MAGI2: variants seen among roughly 807,000 people sequenced by gnomAD.
MAGI2 encodes the protein membrane associated guanylate kinase, WW and PDZ domain containing 2, also known as membrane-associated guanylate kinase, WW and PDZ domain-containing protein 2.
Under a neutral mutation model 133.3 loss-of-function variants are expected in MAGI2, and 35 were observed. The observed-to-expected ratio is 0.26, with a 90% CI of 0.20 to 0.35. The LOEUF is 0.35. Ranked by LOEUF, MAGI2 falls within the 10% of genes least tolerant of loss-of-function variation. The pLI, the probability that MAGI2 is intolerant of heterozygous loss-of-function variation, is 1.00. For synonymous variants in MAGI2, 729 were observed against 710.6 expected, an observed-to-expected ratio of 1.03 and a Z score of -0.41; for missense variants, 1,636 against 1,863.4, an observed-to-expected ratio of 0.88 and a Z score of 2.25.
intron 3 of MAGI2, among the ~76,000 whole-genome samples, chr7:78,533,774 T>A (rs780554373): frequency 1.3e-5 from 2 of 152,130 alleles, no homozygotes; most frequent in Non-Finnish European, 2.9e-5. Flanking sequence ...CTAGTTCTTC[T>A]GAAAAAAAGT....
At chr7:78,442,740 T>C (rs928194147) in intron 6 of MAGI2, among the ~76,000 whole-genome samples, 3 of 148,836 alleles carry the variant, frequency 2.0e-5, no homozygotes, top group African/African-American at 7.8e-5. Context: ...TTACTTAGAT[T>C]TATTTTGGAA....
chr7:78,808,996 T>A (rs1434733560), intron 2 of MAGI2, among the ~76,000 whole-genome samples: 1 of 152,250 alleles, frequency 6.6e-6, no homozygotes, highest in South Asian at 2.1e-4. Flanking sequence ...GATTCTTTCA[T>A]GTTCTAAGGA....
At position 79,126,263 on chromosome 7, in the gene MAGI2, T is replaced by C. The variant is rs1288524927; in HGVS notation, c.302-119057A>G. Among the ~76,000 whole-genome samples the C allele has an allele frequency of 2.0e-5, 3 of 152,216 alleles. No individual in the cohort carries two copies. The East Asian group carries it at 5.8e-4, about 29-fold the overall frequency. On this transcript the variant is annotated intron_variant, in intron 1 of 21. Transcript: ENST00000354212. ...GACACTATTTCGTTTCCTCCTAGAA[T>C]GCTTCCCAGACTCCTGGTTGTATTC...
At chr7:78,260,106 G>T (rs149872211) in intron 9 of MAGI2, among the ~76,000 whole-genome samples, 1,550 of 152,158 alleles carry the variant, frequency 0.01, 19 homozygotes, top group African/African-American at 0.035. Flanking sequence ...CAACTTGATG[G>T]TACTCAACTG....
intron 3 of MAGI2, among the ~76,000 whole-genome samples, chr7:78,535,790 G>A (rs1251637145): frequency 6.6e-6 from 1 of 151,966 alleles, no homozygotes; most frequent in African/African-American, 2.4e-5. Flanking sequence ...ATCAGTGCTT[G>A]AGATATTTTG....
At chr7:79,145,164 G>A (rs1233780472) in intron 1 of MAGI2, among the ~76,000 whole-genome samples, 1 of 152,070 alleles carries the variant, frequency 6.6e-6, no homozygotes, top group African/African-American at 2.4e-5. Context: ...AAATTGATGT[G>A]CTGCCTCTGA....
intron 2 of MAGI2, among the ~76,000 whole-genome samples, chr7:78,814,814 C>G (rs1789415130): frequency 1.3e-5 from 2 of 152,166 alleles, no homozygotes; most frequent in African/African-American, 4.8e-5. Context: ...CCTCAACCTC[C>G]TGGGCTCAAA....
intron 1 of MAGI2, chr7:79,125,645 T>C (rs1037269135): frequency 1.2e-4 from 62 of 526,796 alleles, no homozygotes; most frequent in African/African-American, 1.1e-3. Flanking sequence ...ATGATAATTT[T>C]GGAAATTACA....
At chr7:79,209,380 GAATA>G (rs1299393677) in intron 1 of MAGI2, among the ~76,000 whole-genome samples, 1 of 151,896 alleles carries the variant, frequency 6.6e-6, no homozygotes, top group Admixed American at 6.6e-5. Flanking sequence ...TACTGCAACA[GAATA>G]TATATTGTGA....
intron 1 of MAGI2, among the ~76,000 whole-genome samples, chr7:79,033,927 C>T (rs188333105): frequency 6.6e-5 from 10 of 151,792 alleles, no homozygotes; most frequent in Non-Finnish European, 8.8e-5. Flanking sequence ...AACACACCAA[C>T]GAAAACTACT....
rs145537770 is a variant in MAGI2 at position 79,142,730 on chromosome 7, C to T, written c.302-135524G>A. Among the ~76,000 whole-genome samples, 15 of 152,268 alleles carry T rather than the reference C, an allele frequency of 9.9e-5. No individual in the cohort carries two copies. In the East Asian group the frequency reaches 2.9e-3, roughly 29 times the overall value. ...TTATTTTACTTGCCTGACACTCTACCGTTAAGCATGTTGGATCTAGCTCCT... is the reference window on the plus strand; with the variant it reads ...TTATTTTACTTGCCTGACACTCTACTGTTAAGCATGTTGGATCTAGCTCCT... On this transcript the variant is annotated intron_variant, in intron 1 of 21. Coordinates refer to ENST00000354212, the MANE Select transcript of MAGI2 (RefSeq NM_012301.4).
rs1836457911 is a variant in MAGI2, at chr7:79,291,227, T to C, written c.301+161793A>G. 2.0e-5 allele frequency among the ~76,000 whole-genome samples: 3 copies of C among 152,160 alleles called. No individual in the cohort carries two copies. The South Asian group carries it at 6.2e-4, about 32-fold the overall frequency. Reference sequence around the variant, plus strand: ...CATAACGTTTTCAAGTTCATGTATGTTGTACTATATATCAGTACTTCATTC... The same window carrying C: ...CATAACGTTTTCAAGTTCATGTATGCTGTACTATATATCAGTACTTCATTC... On this transcript the variant is annotated intron_variant, in intron 1 of 21. Transcript: ENST00000354212.
At chr7:78,438,010 G>A (rs1476609371) in intron 6 of MAGI2, among the ~76,000 whole-genome samples, 2 of 152,078 alleles carry the variant, frequency 1.3e-5, no homozygotes, top group Admixed American at 6.6e-5. Context: ...CCAACAGTTT[G>A]TTATTAGTTG....
At chr7:78,927,814 G>A (rs934392072) in intron 2 of MAGI2, among the ~76,000 whole-genome samples, 1 of 151,674 alleles carries the variant, frequency 6.6e-6, no homozygotes, top group Non-Finnish European at 1.5e-5. Flanking sequence ...AGGTCAAAAC[G>A]TGATTTTCAA....
chr7:78,833,941 T>C (rs553892715), intron 2 of MAGI2, among the ~76,000 whole-genome samples: 8 of 152,318 alleles, frequency 5.3e-5, no homozygotes, highest in African/African-American at 1.9e-4. Flanking sequence ...GTTTTTTCTA[T>C]ACTCCATAGC....
At chr7:78,759,583 T>C (rs1010331073) in intron 2 of MAGI2, among the ~76,000 whole-genome samples, 9 of 152,190 alleles carry the variant, frequency 5.9e-5, no homozygotes, top group African/African-American at 2.2e-4. Context: ...TTCATTTCAA[T>C]GTAAGAATTT....
chr7:78,758,111 C>T (rs137976171), intron 2 of MAGI2, among the ~76,000 whole-genome samples: 1 of 152,292 alleles, frequency 6.6e-6, no homozygotes, highest in African/African-American at 2.4e-5. Context: ...TTCCCCCTTC[C>T]TCTGATTTGG....
chr7:78,123,769 G>A (rs1021003487), intron 20 of MAGI2, among the ~76,000 whole-genome samples: 1 of 152,068 alleles, frequency 6.6e-6, no homozygotes, highest in Non-Finnish European at 1.5e-5. Context: ...TAAAACCTCG[G>A]AAGGTAAAAC....
chr7:78,026,338 G>A (rs1293950165), intron 21 of MAGI2, among the ~76,000 whole-genome samples: 4 of 152,172 alleles, frequency 2.6e-5, no homozygotes. Context: ...CAAAGTGATG[G>A]TAAAACCAGA....
Sources: allele counts gnomAD v4.1 joint callset (sites outside exome capture counted in the v4.1 genomes callset), GRCh38; gene constraint gnomAD v4.1.1; transcripts MANE v1.5; gene names NCBI Gene and HGNC (gene_info 2026-07-23, HGNC 2026-07-21).